The following SGCZ variants were observed in gnomAD, a reference collection of about 807,000 sequenced individuals.
SGCZ encodes the protein zeta-sarcoglycan.
SGCZ carries 40 observed loss-of-function variants against 41.3 expected under a neutral mutation model. The ratio of observed to expected loss-of-function variants is 0.97; its 90% CI spans 0.75 to 1.26. The LOEUF (loss-of-function observed/expected upper bound fraction) is 1.26, where lower values mean the gene tolerates loss of function less well. Ranked by LOEUF, SGCZ falls within the 50% of genes most tolerant of loss-of-function variation. The probability of loss-of-function intolerance (pLI) is 0.00; values close to 1 mark genes in which losing one functional copy is unlikely to be tolerated. For missense variants in SGCZ, 552 were observed against 369.8 expected (o/e 1.49, Z -4.04); for synonymous variants, 206 against 137.5 (o/e 1.50, Z -3.49).
intron 2 of SGCZ, among the ~76,000 whole-genome samples, chr8:14,406,612 G>T (rs1231732545): frequency 6.6e-6 from 1 of 152,040 alleles, no homozygotes; most frequent in African/African-American, 2.4e-5. Context: ...AGATCAAATT[G>T]AGGACTAGCA....
intron 5 of SGCZ, among the ~76,000 whole-genome samples, chr8:14,113,109 T>A (rs1363058165): frequency 6.6e-6 from 1 of 152,106 alleles, no homozygotes; most frequent in Admixed American, 6.6e-5. Context: ...AAATACAACC[T>A]ATACATTGCT....
At chr8:14,297,125 G>A (rs1468509448) in intron 3 of SGCZ, among the ~76,000 whole-genome samples, 1 of 152,052 alleles carries the variant, frequency 6.6e-6, no homozygotes, top group Non-Finnish European at 1.5e-5. Flanking sequence ...GTTTCGCCAT[G>A]TTAGCTAGGC....
intron 1 of SGCZ, among the ~76,000 whole-genome samples, chr8:14,570,888 A>C (rs1015419951): frequency 6.6e-6 from 1 of 152,230 alleles, no homozygotes; most frequent in Non-Finnish European, 1.5e-5. Flanking sequence ...AATGACTAGA[A>C]GCGATAAGAA....
chr8:14,474,151 CAATTT>C (rs1287480087), intron 2 of SGCZ, among the ~76,000 whole-genome samples: 1 of 152,070 alleles, frequency 6.6e-6, no homozygotes, highest in Non-Finnish European at 1.5e-5. Context: ...TGCAACAACA[CAATTT>C]AATATTCTCT....
chr8:14,293,954 A>C (rs1384252610), intron 3 of SGCZ, among the ~76,000 whole-genome samples: 7 of 151,780 alleles, frequency 4.6e-5, no homozygotes, highest in Admixed American at 2.0e-4. Flanking sequence ...AGACATACAT[A>C]TCTCTAAAAA....
chr8:14,474,532 G>A (rs760041820), intron 2 of SGCZ, among the ~76,000 whole-genome samples: 1 of 152,010 alleles, frequency 6.6e-6, no homozygotes, highest in African/African-American at 2.4e-5. Flanking sequence ...GTTTAGTCAT[G>A]GTTTTACTTT....
chr8:15,003,917 A>C (rs1802511982), intron 1 of SGCZ, among the ~76,000 whole-genome samples: 1 of 152,184 alleles, frequency 6.6e-6, no homozygotes, highest in Non-Finnish European at 1.5e-5. Context: ...AACGCAGTTA[A>C]TATGAAATAC....
intron 3 of SGCZ, among the ~76,000 whole-genome samples, chr8:14,288,596 T>C (rs1800726791): frequency 6.6e-6 from 1 of 152,172 alleles, no homozygotes; most frequent in Non-Finnish European, 1.5e-5. Flanking sequence ...CATGTTGAAA[T>C]GCCATATTAT....
intron 1 of SGCZ, among the ~76,000 whole-genome samples, chr8:14,803,890 G>A (rs1449421915): frequency 2.3e-5 from 2 of 88,084 alleles, no homozygotes; most frequent in Admixed American, 1.1e-4. Context: ...CTGAGAACGG[G>A]CAGACTGCCT....
intron 1 of SGCZ, among the ~76,000 whole-genome samples, chr8:14,757,670 G>C (rs750526078): frequency 6.6e-6 from 1 of 152,170 alleles, no homozygotes; most frequent in African/African-American, 2.4e-5. Flanking sequence ...CGGTTTCACA[G>C]CAACTCTAGC....
intron 1 of SGCZ, among the ~76,000 whole-genome samples, chr8:14,758,659 C>T (rs546259491): frequency 6.6e-6 from 1 of 152,272 alleles, no homozygotes; most frequent in Middle Eastern, 3.4e-3. Context: ...AATAATATTT[C>T]AAATAACTAC....
intron 1 of SGCZ, among the ~76,000 whole-genome samples, chr8:15,140,763 C>G (rs1190878455): frequency 6.6e-6 from 1 of 152,182 alleles, no homozygotes; most frequent in Non-Finnish European, 1.5e-5. Context: ...TATTATCCAT[C>G]AAGACAGCTC....
At chr8:14,983,642 G>C (rs1390664516) in intron 1 of SGCZ, among the ~76,000 whole-genome samples, 1 of 152,114 alleles carries the variant, frequency 6.6e-6, no homozygotes, top group Non-Finnish European at 1.5e-5. Context: ...ACCGTGCCCA[G>C]CCTTGTCACT....
At chr8:14,500,153 C>A (rs2117049727) in intron 2 of SGCZ, among the ~76,000 whole-genome samples, 1 of 152,140 alleles carries the variant, frequency 6.6e-6, no homozygotes, top group East Asian at 1.9e-4. Flanking sequence ...GCTTGAATTT[C>A]TTGTTTCATA....
At chr8:14,795,381 G>A (rs986592178) in intron 1 of SGCZ, among the ~76,000 whole-genome samples, 1 of 152,010 alleles carries the variant, frequency 6.6e-6, no homozygotes. Context: ...TTTCTTCTGA[G>A]GGAGAAAATA....
At chr8:14,824,405 T>G (rs1802219341) in intron 1 of SGCZ, among the ~76,000 whole-genome samples, 1 of 152,050 alleles carries the variant, frequency 6.6e-6, no homozygotes, top group South Asian at 2.1e-4. Context: ...GTAATAAATT[T>G]TAAAAATTTT....
chr8:14,450,630 A>C (rs983577981), intron 2 of SGCZ, among the ~76,000 whole-genome samples: 25 of 152,200 alleles, frequency 1.6e-4, no homozygotes, highest in African/African-American at 6.0e-4. Context: ...TTTTTAAAAA[A>C]AGTATGAGGA....
intron 1 of SGCZ, among the ~76,000 whole-genome samples, chr8:14,769,813 AAAC>A (rs1800174077): frequency 6.7e-6 from 1 of 148,970 alleles, no homozygotes; most frequent in Non-Finnish European, 1.5e-5. Flanking sequence ...AAAAAAAAAA[AAAC>A]CCAGCAACAA....
At chr8:15,038,783 G>C (rs1803963199) in intron 1 of SGCZ, among the ~76,000 whole-genome samples, 2 of 117,028 alleles carry the variant, frequency 1.7e-5, no homozygotes, top group Non-Finnish European at 3.4e-5. Flanking sequence ...CCTGATTAGA[G>C]AATGGGCAAA....
Sources: gnomAD v4.1 joint callset for allele counts (sites outside exome capture counted in the v4.1 genomes callset) on GRCh38, gnomAD v4.1.1 for gene constraint, MANE v1.5 for transcripts, NCBI Gene and HGNC (gene_info 2026-07-23, HGNC 2026-07-21) for gene names.